PPP2R2B: variants seen among roughly 807,000 people sequenced by gnomAD.
The protein encoded by PPP2R2B is serine/threonine-protein phosphatase 2A 55 kDa regulatory subunit B beta isoform.
In PPP2R2B, 5 loss-of-function variants were observed where a neutral mutation model predicts 46.0. That is an observed-to-expected ratio of 0.11 (90% CI 0.06 to 0.23). PPP2R2B has a LOEUF of 0.23. Among genes scored for constraint, PPP2R2B ranks in the 10% least tolerant of loss-of-function variants. PPP2R2B has a pLI of 1.00. For missense variants in PPP2R2B, 367 were observed against 575.0 expected (o/e 0.64, Z 3.70); for synonymous variants, 215 against 206.7 (o/e 1.04, Z -0.34).
At chr5:146,682,110 C>T (rs1356006301) in intron 5 of PPP2R2B, among the ~76,000 whole-genome samples, 2 of 152,146 alleles carry the variant, frequency 1.3e-5, no homozygotes, top group African/African-American at 2.4e-5. Context: ...CTTATATTTA[C>T]GTCTATGTTG....
intron 2 of PPP2R2B, among the ~76,000 whole-genome samples, chr5:146,817,202 A>T (rs1757981110): frequency 6.6e-6 from 1 of 152,000 alleles, no homozygotes; most frequent in African/African-American, 2.4e-5. Flanking sequence ...TCCAGCTGTG[A>T]CTCATCCTAA....
intron 5 of PPP2R2B, among the ~76,000 whole-genome samples, chr5:146,682,441 C>A (rs1778235497): frequency 6.6e-6 from 1 of 152,188 alleles, no homozygotes; most frequent in Non-Finnish European, 1.5e-5. Context: ...GTGACTTTAT[C>A]AGCCCAACCT....
chr5:146,951,743 T>A (rs758774732), intron 1 of PPP2R2B, among the ~76,000 whole-genome samples: 92 of 152,206 alleles, frequency 6.0e-4, no homozygotes, highest in Non-Finnish European at 5.0e-4. Context: ...ACCACATTTT[T>A]AAAATCCGGT....
intron 1 of PPP2R2B, among the ~76,000 whole-genome samples, chr5:146,957,448 G>A (rs989022230): frequency 1.3e-5 from 2 of 152,232 alleles, no homozygotes; most frequent in African/African-American, 4.8e-5. Context: ...TGGGGGCACA[G>A]TAGGAATTTT....
chr5:146,857,581 C>A (rs1004870369), intron 2 of PPP2R2B, among the ~76,000 whole-genome samples: 1 of 152,174 alleles, frequency 6.6e-6, no homozygotes, highest in Non-Finnish European at 1.5e-5. Flanking sequence ...AGTACTGATA[C>A]TGGATCAAAG....
upstream of PPP2R2B, among the ~76,000 whole-genome samples, chr5:147,060,038 GA>G (rs562247436): frequency 8.2e-4 from 124 of 151,270 alleles, 1 homozygote; most frequent in African/African-American, 2.8e-3. Context: ...TAAATCCCAG[GA>G]AAAAAAAATT....
At chr5:146,795,853 G>C (rs939976560) in intron 2 of PPP2R2B, among the ~76,000 whole-genome samples, 2 of 152,110 alleles carry the variant, frequency 1.3e-5, no homozygotes, top group Non-Finnish European at 2.9e-5. Flanking sequence ...AGATTCGATG[G>C]AATAACGCAC....
At chr5:146,656,014 G>C (rs970244050) in intron 5 of PPP2R2B, among the ~76,000 whole-genome samples, 1 of 152,152 alleles carries the variant, frequency 6.6e-6, no homozygotes, top group Non-Finnish European at 1.5e-5. Context: ...TGTGCTTCTG[G>C]GGTGAGGTCA....
intron 1 of PPP2R2B, among the ~76,000 whole-genome samples, chr5:146,902,513 A>G (rs1290140939): frequency 1.3e-5 from 2 of 152,232 alleles, no homozygotes; most frequent in East Asian, 1.9e-4. Context: ...TGCATTTTAC[A>G]TAGATTAACA....
chr5:146,917,156 A>G (rs1172361748), intron 1 of PPP2R2B, among the ~76,000 whole-genome samples: 1 of 152,148 alleles, frequency 6.6e-6, no homozygotes, highest in African/African-American at 2.4e-5. Context: ...CTATTTGCTG[A>G]TTTAAATTTA....
chr5:146,710,387 A>C (rs750461902), intron 2 of PPP2R2B, among the ~76,000 whole-genome samples: 2 of 152,166 alleles, frequency 1.3e-5, no homozygotes, highest in Non-Finnish European at 2.9e-5. Context: ...CCAACACTAA[A>C]CAGGTTTGAA....
Position 146,967,209 on chromosome 5 carries a change from C to G in PPP2R2B, c.79+88456G>C, listed in dbSNP as rs1752459380. Among the ~76,000 whole-genome samples the G allele has an allele frequency of 3.3e-5, 5 of 152,124 alleles. No homozygotes were observed. The South Asian group carries it at 1.0e-3, about 32-fold the overall frequency. On this transcript the variant is annotated intron_variant, in intron 1 of 8. Transcript: ENST00000336640. ...GCTTTCTTAATTCGGTCCTGGAAAC[C>G]CAGGCCTGAGTTTTGGTTAAGCCTT...
intron 2 of PPP2R2B, among the ~76,000 whole-genome samples, chr5:147,075,916 A>C (rs1165741953): frequency 6.9e-6 from 1 of 144,274 alleles, no homozygotes; most frequent in Admixed American, 7.2e-5. Context: ...TGATTAGTGA[A>C]TAATGTCTAT....
At chr5:146,911,539 A>G (rs1763183249) in intron 1 of PPP2R2B, among the ~76,000 whole-genome samples, 1 of 152,206 alleles carries the variant, frequency 6.6e-6, no homozygotes, top group African/African-American at 2.4e-5. Flanking sequence ...AGTAGCCTGC[A>G]ATCAGTAGGT....
At chr5:146,625,465 C>T (rs538705463) in intron 7 of PPP2R2B, among the ~76,000 whole-genome samples, 63 of 152,228 alleles carry the variant, frequency 4.1e-4, no homozygotes, top group African/African-American at 1.5e-3. Context: ...CCTCTAAAAG[C>T]ATTTCTTTAG....
At chr5:146,963,276 A>G (rs1400659923) in intron 1 of PPP2R2B, among the ~76,000 whole-genome samples, 2 of 152,188 alleles carry the variant, frequency 1.3e-5, no homozygotes, top group Non-Finnish European at 2.9e-5. Context: ...GTGTAGTGAA[A>G]CATTGGGCTG....
intron 2 of PPP2R2B, among the ~76,000 whole-genome samples, chr5:146,736,054 A>G (rs922132837): frequency 6.6e-6 from 1 of 152,140 alleles, no homozygotes; most frequent in African/African-American, 2.4e-5. Context: ...TAATTGAATC[A>G]TGGGAGCAGT....
At chr5:146,891,970 C>A (rs1321220419) in intron 1 of PPP2R2B, among the ~76,000 whole-genome samples, 1 of 152,194 alleles carries the variant, frequency 6.6e-6, no homozygotes, top group East Asian at 1.9e-4. Context: ...ACATCACATG[C>A]TCTGCCTTGA....
At chr5:146,756,661 T>C (rs1427492662) in intron 2 of PPP2R2B, among the ~76,000 whole-genome samples, 1 of 152,240 alleles carries the variant, frequency 6.6e-6, no homozygotes, top group Non-Finnish European at 1.5e-5. Context: ...TTATCAGTTT[T>C]CTTATCTGAA....
Sources: gnomAD v4.1 joint callset for allele counts (sites outside exome capture counted in the v4.1 genomes callset) on GRCh38, gnomAD v4.1.1 for gene constraint, MANE v1.5 for transcripts, NCBI Gene and HGNC (gene_info 2026-07-23, HGNC 2026-07-21) for gene names.